The following FOXJ3 variants were observed in gnomAD, a reference collection of about 807,000 sequenced individuals.
FOXJ3 encodes forkhead box J3.
FOXJ3 carries 22 observed loss-of-function variants against 76.1 expected under a neutral mutation model. The ratio of observed to expected loss-of-function variants is 0.29; its 90% confidence interval spans 0.21 to 0.41. The LOEUF is 0.41. FOXJ3 is among the 10% of genes least tolerant of loss of function. The probability of loss-of-function intolerance (pLI) is 1.00; values close to 1 mark genes in which losing one functional copy is unlikely to be tolerated. For missense variants in FOXJ3, 613 were observed against 762.1 expected (o/e 0.80, Z 2.30); for synonymous variants, 269 against 261.2 (o/e 1.03, Z -0.29).
intron 3 of FOXJ3, among the ~76,000 whole-genome samples, chr1:42,274,860 C>A (rs1652138385): frequency 6.8e-6 from 1 of 147,402 alleles, no homozygotes. Flanking sequence ...AATAATAGGG[C>A]AATATCAACT....
chr1:42,221,015 T>C (rs1391878059), intron 5 of FOXJ3, among the ~76,000 whole-genome samples: 2 of 152,206 alleles, frequency 1.3e-5, no homozygotes, highest in Non-Finnish European at 2.9e-5. Context: ...CATGTTAACA[T>C]AATATTATTT....
At chr1:42,312,384 T>G (rs1453312070) in intron 1 of FOXJ3, among the ~76,000 whole-genome samples, 3 of 152,088 alleles carry the variant, frequency 2.0e-5, no homozygotes, top group African/African-American at 7.2e-5. Flanking sequence ...AAATACTATG[T>G]AGGCCAAACA....
chr1:42,194,278 C>G (rs1209821449), intron 8 of FOXJ3, among the ~76,000 whole-genome samples: 3 of 152,190 alleles, frequency 2.0e-5, no homozygotes, highest in African/African-American at 7.2e-5. Context: ...TAAAATTAAA[C>G]CAGCAGCTAA....
rs1654785941 is a variant in FOXJ3, at chr1:42,311,175, T to C, written c.-17-65A>G. ...GTAAATTAAACCATAAGTCTCACTT[T>C]AGATTTAATTTAAAACACTCTGAAA... On this transcript the variant is annotated intron_variant, in intron 1 of 12. Transcript: ENST00000361346. 1.1e-5 allele frequency: 11 copies of C among 1,031,302 alleles called. No homozygotes were observed. The South Asian group carries it at 1.3e-4, about 12-fold the overall frequency. The allele number at this position is 1,031,302 out of a possible 1,614,324, so 63.9% of individuals were successfully genotyped here.
At chr1:42,304,012 T>C (rs569745794) in intron 2 of FOXJ3, among the ~76,000 whole-genome samples, 3 of 152,146 alleles carry the variant, frequency 2.0e-5, no homozygotes, top group African/African-American at 7.2e-5. Context: ...TATGATCTTA[T>C]ATTTGGAAAA....
At chr1:42,184,085 T>A (rs1046284429) in intron 11 of FOXJ3, among the ~76,000 whole-genome samples, 1 of 152,146 alleles carries the variant, frequency 6.6e-6, no homozygotes, top group East Asian at 1.9e-4. Flanking sequence ...GGCGGAATCC[T>A]GTCTCCAAAT....
intron 11 of FOXJ3, 88 bp downstream of exon 11, chr1:42,188,649 T>C: frequency 1.3e-6 from 1 of 778,294 alleles, no homozygotes; most frequent in Non-Finnish European, 2.0e-6. Flanking sequence ...CTGTCACCAT[T>C]AGCAGCAAAC....
intron 4 of FOXJ3, among the ~76,000 whole-genome samples, chr1:42,244,090 TAAG>T (rs1464379716): frequency 6.6e-6 from 1 of 151,924 alleles, no homozygotes; most frequent in East Asian, 1.9e-4. Context: ...ATAAAGAAAT[TAAG>T]AAGGAAATAA....
At chr1:42,241,305 T>C (rs1649122749) in intron 4 of FOXJ3, among the ~76,000 whole-genome samples, 1 of 152,152 alleles carries the variant, frequency 6.6e-6, no homozygotes, top group Non-Finnish European at 1.5e-5. Context: ...CCTAGCAGCA[T>C]AGCCACAGCA....
At chr1:42,320,068 A>T (rs951484018) in intron 1 of FOXJ3, among the ~76,000 whole-genome samples, 2 of 152,192 alleles carry the variant, frequency 1.3e-5, no homozygotes, top group Admixed American at 6.5e-5. Context: ...TCCTAAAACA[A>T]GACCAGGGGC....
chr1:42,323,370 C>G (rs1466314793), intron 1 of FOXJ3, among the ~76,000 whole-genome samples: 1 of 152,092 alleles, frequency 6.6e-6, no homozygotes, highest in African/African-American at 2.4e-5. Flanking sequence ...ATTTATTAAG[C>G]ACCAATTATT....
chr1:42,255,568 C>G (rs762496594), intron 4 of FOXJ3, among the ~76,000 whole-genome samples: 6 of 152,018 alleles, frequency 3.9e-5, no homozygotes, highest in African/African-American at 7.3e-5. Flanking sequence ...AAAGCAAGAG[C>G]CAATGGCCAC....
At chr1:42,206,055 G>T in intron 5 of FOXJ3, 192 bp from the exon 6 acceptor site, 2 of 520,028 alleles carry the variant, frequency 3.8e-6, no homozygotes, top group Non-Finnish European at 3.4e-6. Flanking sequence ...AAAGTCCTTT[G>T]GTATGGCTAC....
chr1:42,239,409 G>A (rs112568453), intron 4 of FOXJ3, among the ~76,000 whole-genome samples: 1,897 of 150,126 alleles, frequency 0.013, 36 homozygotes, highest in African/African-American at 0.045. Flanking sequence ...TCTTTTTATT[G>A]GTGGTTTGCT....
At chr1:42,223,039 T>C (rs1557650604) in intron 5 of FOXJ3, among the ~76,000 whole-genome samples, 1 of 152,172 alleles carries the variant, frequency 6.6e-6, no homozygotes, top group Non-Finnish European at 1.5e-5. Context: ...TTTACCCTTG[T>C]CCTAAAATTA....
chr1:42,232,709 A>G (rs1648255975), intron 4 of FOXJ3, among the ~76,000 whole-genome samples: 2 of 152,064 alleles, frequency 1.3e-5, no homozygotes, highest in African/African-American at 2.4e-5. Context: ...TTGTCAGATG[A>G]GTAGATTGCA....
At position 42,179,669 on chromosome 1, in the gene FOXJ3, G is replaced by A. The variant is rs746169278; in HGVS notation, c.*41C>T. 29 of 1,257,882 alleles carry A rather than the reference G, an allele frequency of 2.3e-5. No homozygotes were observed. The Admixed American group carries it at 3.2e-4, about 14-fold the overall frequency. The allele number at this position is 1,257,882 out of a possible 1,614,324, so 77.9% of individuals were successfully genotyped here. On this transcript the variant is annotated 3_prime_UTR_variant, in exon 13 of 13. Transcript: ENST00000361346. Reference sequence around the variant, plus strand: ...CTTAAACCTTTCCCTTCACTGCACAGAAAGGTAACGTTAGGGTCTGGTGTC... The same window carrying A: ...CTTAAACCTTTCCCTTCACTGCACAAAAAGGTAACGTTAGGGTCTGGTGTC...
intron 5 of FOXJ3, among the ~76,000 whole-genome samples, chr1:42,217,239 C>G (rs1277102144): frequency 6.6e-6 from 1 of 152,058 alleles, no homozygotes; most frequent in South Asian, 2.1e-4. Flanking sequence ...TTTAAAAATA[C>G]TCTGCAATGG....
At chr1:42,324,111 C>CACAGTATATAT (rs1557725951) in intron 1 of FOXJ3, among the ~76,000 whole-genome samples, 1 of 27,518 alleles carries the variant, frequency 3.6e-5, no homozygotes, top group African/African-American at 1.2e-4. Context: ...TGTGTATATA[C>CACAGTATATAT]ACTGTATATA....
Sources: allele counts gnomAD v4.1 joint callset (sites outside exome capture counted in the v4.1 genomes callset), GRCh38; gene constraint gnomAD v4.1.1; transcripts MANE v1.5; gene names NCBI Gene and HGNC (gene_info 2026-07-23, HGNC 2026-07-21).